Variants in LRRC53 observed in about 807,000 individuals in gnomAD.
LRRC53 encodes the protein leucine-rich repeat-containing protein 53.
LRRC53 carries 25 observed loss-of-function variants against 13.6 expected under a neutral mutation model. That is an observed-to-expected ratio of 1.83 (90% confidence interval 1.34 to 2.56). The LOEUF is 2.56. LRRC53 is among the 30% of genes most tolerant of loss of function. The probability of loss-of-function intolerance (pLI) is 0.00; values close to 1 mark genes in which losing one functional copy is unlikely to be tolerated. For missense variants in LRRC53, 527 were observed against 275.8 expected (o/e 1.91, Z -6.45); for synonymous variants, 204 against 109.8 (o/e 1.86, Z -5.37).
intron 1 of LRRC53, among the ~76,000 whole-genome samples, chr1:74,491,281 G>T (rs375937152): frequency 1.3e-5 from 2 of 152,162 alleles, no homozygotes; most frequent in African/African-American, 4.8e-5. Flanking sequence ...GTGCAGTGGC[G>T]CAATCTCAGC....
At chr1:74,506,296 A>G (rs1669897883) in intron 1 of LRRC53, among the ~76,000 whole-genome samples, 1 of 152,220 alleles carries the variant, frequency 6.6e-6, no homozygotes, top group African/African-American at 2.4e-5. Context: ...CAACTCTTCT[A>G]CAGCTAAGAG....
upstream of LRRC53, among the ~76,000 whole-genome samples, chr1:74,513,018 G>A (rs1274766485): frequency 2.0e-5 from 3 of 152,136 alleles, no homozygotes; most frequent in South Asian, 2.1e-4. Context: ...CACTTAAAGA[G>A]GAAAATAGTC....
chr1:74,492,764 C>A (rs1669143743), intron 1 of LRRC53, among the ~76,000 whole-genome samples: 1 of 152,124 alleles, frequency 6.6e-6, no homozygotes, highest in Non-Finnish European at 1.5e-5. Context: ...TGGAAACAAC[C>A]CAAAAGTCCA....
intron 1 of LRRC53, among the ~76,000 whole-genome samples, chr1:74,506,914 A>G (rs935463908): frequency 6.6e-6 from 1 of 152,128 alleles, no homozygotes; most frequent in African/African-American, 2.4e-5. Flanking sequence ...TAATTCATTT[A>G]CCACTTTCTA....
intron 2 of LRRC53, among the ~76,000 whole-genome samples, chr1:74,482,452 A>G (rs1300296442): frequency 6.6e-6 from 1 of 152,246 alleles, no homozygotes; most frequent in African/African-American, 2.4e-5. Flanking sequence ...GTTTAGTGTT[A>G]AAGCATTTTC....
chr1:74,481,273 T>G (rs1205410807), intron 2 of LRRC53, among the ~76,000 whole-genome samples: 1 of 152,186 alleles, frequency 6.6e-6, no homozygotes, highest in Non-Finnish European at 1.5e-5. Context: ...TCGATGTTAT[T>G]TTGAAGGTGT....
At chr1:74,515,645 C>G (rs1373130546), upstream of LRRC53, among the ~76,000 whole-genome samples, 1 of 152,058 alleles carries the variant, frequency 6.6e-6, no homozygotes, top group Non-Finnish European at 1.5e-5. Flanking sequence ...CCGATGTAGT[C>G]AAACTAAGGG....
chr1:74,471,389 C>A lies in LRRC53; in HGVS notation c.2233G>T (p.Val745Leu). Residue 745 changes from valine to leucine, a missense_variant, in exon 5 of 5, where the codon GTA becomes TTA. Physicochemically the swap from Val to Leu is conservative, Grantham distance 32 (BLOSUM62 1). Transcript: ENST00000294635. ...LSSLPKQCKQ[V>L]LLPPKKLSKT... is the part of the protein sequence containing the mutation. ...GATAATTTCTTAGGAGGCAACAATA[C>A]CTGCTTGCATTGCTTTGGGAGACTT... is the stretch of plus-strand genomic sequence containing the variant. 2.5e-6 allele frequency: 1 copy of A among 400,648 alleles called. No individual in the cohort carries two copies. The highest frequency in any genetic ancestry group is 3.6e-5 in the East Asian group (1 of 28,078). 24.8% of individuals were successfully genotyped at this position (400,648 alleles called of 1,614,324 possible).
chr1:74,506,666 C>A (rs1302644881), intron 1 of LRRC53, among the ~76,000 whole-genome samples: 1 of 152,196 alleles, frequency 6.6e-6, no homozygotes, highest in African/African-American at 2.4e-5. Flanking sequence ...CCACACCGGA[C>A]CTGCCGAATC....
chr1:74,491,355 G>C (rs1183131554), intron 1 of LRRC53, among the ~76,000 whole-genome samples: 1 of 152,214 alleles, frequency 6.6e-6, no homozygotes, highest in Non-Finnish European at 1.5e-5. Context: ...CAGTAGCTGG[G>C]ACTACAGGTG....
chr1:74,472,488 T>C (rs558473181), intron 4 of LRRC53, among the ~76,000 whole-genome samples: 2 of 152,154 alleles, frequency 1.3e-5, no homozygotes, highest in Non-Finnish European at 2.9e-5. Context: ...TAGTTGTTGG[T>C]TAGGTTAGCT....
At chr1:74,503,452 A>G (rs544227015) in intron 1 of LRRC53, among the ~76,000 whole-genome samples, 1 of 152,336 alleles carries the variant, frequency 6.6e-6, no homozygotes, top group East Asian at 1.9e-4. Flanking sequence ...CCCTCACTTC[A>G]GCAGTGTCTT....
chr1:74,481,109 G>T, intron 2 of LRRC53, 141 bp from the exon 3 acceptor site: 2 of 569,116 alleles, frequency 3.5e-6, no homozygotes, highest in Non-Finnish European at 3.1e-6. Flanking sequence ...AAATGAAAAT[G>T]ATTTTCTGAT....
chr1:74,498,857 A>C (rs1257192175), intron 1 of LRRC53, among the ~76,000 whole-genome samples: 3 of 152,204 alleles, frequency 2.0e-5, no homozygotes, highest in African/African-American at 7.2e-5. Context: ...GTTTTTTAAA[A>C]AAAATTTTAA....
chr1:74,510,189 G>A (rs576808314), intron 1 of LRRC53, among the ~76,000 whole-genome samples: 1 of 152,214 alleles, frequency 6.6e-6, no homozygotes, highest in East Asian at 1.9e-4. Flanking sequence ...CAGTAGTAGA[G>A]AGGGCAATCA....
At chr1:74,503,377 A>C (rs530512832) in intron 1 of LRRC53, among the ~76,000 whole-genome samples, 1 of 152,338 alleles carries the variant, frequency 6.6e-6, no homozygotes, top group Middle Eastern at 3.4e-3. Flanking sequence ...GCTGATTTGA[A>C]ATATGATATC....
In LRRC53 at chr1:74,502,330, G is replaced by A. The variant is rs188318491; in HGVS notation, c.-27+10196C>T. ...TATTTGTGATGTACATGAACATAATGACTTCCCACAAACATGATGCCATTG... is the reference window on the plus strand; with the variant it reads ...TATTTGTGATGTACATGAACATAATAACTTCCCACAAACATGATGCCATTG... On this transcript the variant is annotated intron_variant, in intron 1 of 4. Transcript: ENST00000294635. Among the ~76,000 whole-genome samples the A allele has an allele frequency of 1.9e-4, 29 of 152,270 alleles. 1 individual carries two copies. Among genetic ancestry groups the A allele is most frequent in the Admixed American group, 1.8e-3 (27 of 15,292 alleles).
At chr1:74,528,397 G>A in the LRRC53 span, among the ~76,000 whole-genome samples, 2 of 152,080 alleles carry the variant, frequency 1.3e-5, no homozygotes, top group African/African-American at 4.8e-5. Context: ...GGAATAGGCG[G>A]GTAGGTGTCA....
intron 1 of LRRC53, chr1:74,489,336 A>G (rs1668928598): frequency 7.2e-7 from 1 of 1,386,802 alleles, no homozygotes; most frequent in African/African-American, 1.5e-5. Context: ...GGTGCTTATG[A>G]AAAGTTACTG....
Sources: gnomAD v4.1 joint callset for allele counts (sites outside exome capture counted in the v4.1 genomes callset) on GRCh38, gnomAD v4.1.1 for gene constraint, MANE v1.5 for transcripts, NCBI Gene and HGNC (gene_info 2026-07-23, HGNC 2026-07-21) for gene names.